Variants in TBXAS1 observed in about 807,000 individuals in gnomAD.
TBXAS1 encodes thromboxane A synthase 1, also known as thromboxane-A synthase.
TBXAS1 carries 48 observed loss-of-function variants against 60.7 expected under a neutral mutation model. The observed-to-expected ratio is 0.79, with a 90% CI of 0.63 to 1.01. The LOEUF (loss-of-function observed/expected upper bound fraction) is 1.01. Among genes scored for constraint, TBXAS1 ranks in the 50% least tolerant of loss-of-function variants. The probability of loss-of-function intolerance (pLI) is 0.00; values close to 1 mark genes in which losing one functional copy is unlikely to be tolerated. For synonymous variants in TBXAS1, 287 were observed against 269.7 expected (o/e 1.06, Z -0.63); for missense variants, 685 against 686.3 (o/e 1.00, Z 0.02).
chr7:139,793,148 G>A (rs1263306996), intron 4 of TBXAS1, among the ~76,000 whole-genome samples: 1 of 152,130 alleles, frequency 6.6e-6, no homozygotes, highest in Non-Finnish European at 1.5e-5. Context: ...GGTGCAGTGG[G>A]TCACACCTGT....
At chr7:139,875,912 T>C (rs986591467) in intron 3 of TBXAS1, 1 of 504,114 alleles carries the variant, frequency 2.0e-6, no homozygotes, top group Non-Finnish European at 3.6e-6. Flanking sequence ...CAGCATCATC[T>C]CCCGTTGCTG....
rs1796866232 is a variant in TBXAS1, at chr7:139,778,640, C to G, written c.-318+169C>G. 6.6e-6 allele frequency among the ~76,000 whole-genome samples: 1 copy of G among 152,140 alleles called. No individual in the cohort carries two copies. The highest frequency in any genetic ancestry group is 1.5e-5 in the Non-Finnish European group (1 of 68,016). On this transcript the variant is annotated intron_variant, in intron 1 of 16. Coordinates refer to the TBXAS1 transcript ENST00000336425. This position sits in a 1 kb window ranked among gnomAD's most constrained non-coding sequence, Gnocchi z 4.8. ...GTGGTCGCTGGGTTCCTGCCGGAGT[C>G]TGGCTTCCACGCCACCCTGATCTTC...
chr7:139,936,132 G>A, intron 4 of TBXAS1, 59 bp from the exon 5 acceptor site: 2 of 1,536,232 alleles, frequency 1.3e-6, no homozygotes, highest in Non-Finnish European at 1.8e-6. Context: ...GACCTGTATT[G>A]CCACCAAGGT....
At chr7:140,014,565 G>C (rs191968352) in intron 10 of TBXAS1, among the ~76,000 whole-genome samples, 12 of 152,212 alleles carry the variant, frequency 7.9e-5, no homozygotes, top group African/African-American at 2.4e-5. Flanking sequence ...GTGTGCATGT[G>C]TGTGTGTGTC....
At chr7:140,015,970 A>G (rs2116459851) in intron 11 of TBXAS1, 110 bp downstream of exon 11, 2 of 1,460,764 alleles carry the variant, frequency 1.4e-6, no homozygotes, top group Middle Eastern at 1.8e-4. Context: ...ATTGTCCCCA[A>G]ATAGTCAAAA....
intron 5 of TBXAS1, among the ~76,000 whole-genome samples, chr7:139,945,764 T>C (rs1423400292): frequency 1.3e-5 from 2 of 152,190 alleles, no homozygotes; most frequent in Non-Finnish European, 2.9e-5. Context: ...AATCCTGGCA[T>C]GGCTTAGCTG....
At chr7:139,791,744 T>G (rs1185734828) in intron 4 of TBXAS1, among the ~76,000 whole-genome samples, 1 of 151,782 alleles carries the variant, frequency 6.6e-6, no homozygotes, top group Non-Finnish European at 1.5e-5. Flanking sequence ...CGGATTTGGG[T>G]ATGGAGGCAG....
rs563726492 is a variant in TBXAS1 at position 139,839,984 on chromosome 7, CA to C, written c.89+10523del. Among the ~76,000 whole-genome samples the C allele has an allele frequency of 8.0e-3, 873 of 109,270 alleles. 2 individuals are homozygous for C. Among genetic ancestry groups the C allele is most frequent in the African/African-American group, 0.027 (727 of 27,022 alleles). The allele number at this position is 109,270 out of a possible 152,430, so 71.7% of individuals were successfully genotyped here. On this transcript the variant is annotated intron_variant, in intron 1 of 12. Coordinates refer to ENST00000448866, the MANE Select transcript of TBXAS1 (RefSeq NM_001061.7). The stretch of plus-strand genomic sequence containing the variant: ...GGGCAACAAGAGTGAAACTCTGTCT[CA>C]AAAAAAAAAAAAAAAAAGAGATTTC...
At chr7:139,983,261 A>C (rs1392747592) in intron 9 of TBXAS1, among the ~76,000 whole-genome samples, 1 of 152,188 alleles carries the variant, frequency 6.6e-6, no homozygotes, top group African/African-American at 2.4e-5. Context: ...GGAGGTCTCA[A>C]CCATGAACCT....
chr7:139,868,964 A>G (rs1801631010), intron 1 of TBXAS1, among the ~76,000 whole-genome samples: 1 of 151,282 alleles, frequency 6.6e-6, no homozygotes, highest in Admixed American at 6.6e-5. Flanking sequence ...CACCCGGCTA[A>G]TTTTTTTACA....
upstream of TBXAS1, among the ~76,000 whole-genome samples, chr7:139,825,805 C>G (rs1037867958): frequency 6.6e-6 from 1 of 152,192 alleles, no homozygotes; most frequent in African/African-American, 2.4e-5. Context: ...AAAGCACTCT[C>G]CTTGGAAAAC....
At chr7:139,947,420 G>C (rs538147084) in intron 5 of TBXAS1, among the ~76,000 whole-genome samples, 2 of 152,122 alleles carry the variant, frequency 1.3e-5, no homozygotes, top group Admixed American at 6.5e-5. Flanking sequence ...GTTGGGGGAG[G>C]GGGGAGGAAG....
At chr7:139,984,765 CAGG>C (rs1569522309) in intron 9 of TBXAS1, among the ~76,000 whole-genome samples, 4 of 39,414 alleles carry the variant, frequency 1.0e-4, no homozygotes, top group East Asian at 2.1e-3. Flanking sequence ...AGAAAGAAAG[CAGG>C]AAAGAAAGAA....
intron 4 of TBXAS1, among the ~76,000 whole-genome samples, chr7:139,798,342 G>T (rs1797623745): frequency 6.6e-6 from 1 of 152,188 alleles, no homozygotes. Context: ...GGCGAACCGA[G>T]GAGAAAACAG....
At chr7:139,937,647 C>T (rs1027597890) in intron 5 of TBXAS1, among the ~76,000 whole-genome samples, 35 of 152,128 alleles carry the variant, frequency 2.3e-4, no homozygotes, top group Non-Finnish European at 4.1e-4. Context: ...CACATTCCTG[C>T]GAGATAAATA....
chr7:139,974,968 A>G (rs908715383), intron 9 of TBXAS1, among the ~76,000 whole-genome samples: 2 of 152,214 alleles, frequency 1.3e-5, no homozygotes, highest in African/African-American at 4.8e-5. Context: ...CAGAGACAGA[A>G]AGACATTCAT....
intron 10 of TBXAS1, among the ~76,000 whole-genome samples, chr7:140,010,934 T>C (rs1358412895): frequency 2.6e-5 from 4 of 151,720 alleles, no homozygotes; most frequent in Non-Finnish European, 4.4e-5. Context: ...TTTAATTATT[T>C]ATATTGCCAA....
Position 139,953,468 on chromosome 7 carries a change from G to T in TBXAS1, c.539+12G>T, listed in dbSNP as rs1320724304. 6.2e-7 allele frequency: 1 copy of T among 1,613,252 alleles called. No homozygotes were observed. The highest frequency in any genetic ancestry group is 1.7e-5 in the Admixed American group (1 of 60,024). ...TTTGACATCCAGAGGTAAGGCTGCT[G>T]CATTACAGATGAGAAATCGAGTTTT... On this transcript the variant is annotated intron_variant, in intron 6 of 12. Transcript: ENST00000448866.
chr7:139,990,578 CT>C (rs1204218587), intron 9 of TBXAS1, among the ~76,000 whole-genome samples: 1 of 152,102 alleles, frequency 6.6e-6, no homozygotes, highest in African/African-American at 2.4e-5. Context: ...TCTACTACCC[CT>C]GGTTCTGACC....
Sources: allele counts gnomAD v4.1 joint callset (sites outside exome capture counted in the v4.1 genomes callset), GRCh38; gene constraint gnomAD v4.1.1; non-coding constraint Gnocchi (gnomAD v3.1); transcripts MANE v1.5; gene names NCBI Gene and HGNC (gene_info 2026-07-23, HGNC 2026-07-21).